GRAMD4: variants seen among roughly 807,000 people sequenced by gnomAD.
The protein encoded by GRAMD4 is GRAM domain-containing protein 4.
In GRAMD4, 25 loss-of-function variants were observed where a neutral mutation model predicts 83.9. That is an observed-to-expected ratio of 0.30 (90% confidence interval 0.22 to 0.42). The LOEUF (loss-of-function observed/expected upper bound fraction) is 0.42. Ranked by LOEUF, GRAMD4 falls within the 10% of genes least tolerant of loss-of-function variation. GRAMD4 has a pLI of 1.00. For missense variants in GRAMD4, 593 were observed against 788.7 expected, an observed-to-expected ratio of 0.75 and a Z score of 2.97; for synonymous variants, 336 against 320.9, an observed-to-expected ratio of 1.05 and a Z score of -0.50.
downstream of GRAMD4, among the ~76,000 whole-genome samples, chr22:46,682,636 T>A (rs550259027): frequency 1.3e-5 from 2 of 152,378 alleles, no homozygotes; most frequent in Admixed American, 6.5e-5. Flanking sequence ...TTACATGGAC[T>A]TCTTTGCCTT....
Position 46,668,698 on chromosome 22 carries a change from G to A in GRAMD4, c.940G>A (p.Gly314Arg), listed in dbSNP as rs377286272. 4.3e-6 allele frequency: 7 copies of A among 1,612,454 alleles called. No homozygotes were observed. The highest frequency in any genetic ancestry group is 4.0e-5 in the African/African-American group (3 of 74,920). ...TTTCTCCTTCACACAGAACCTTTTC[G>A]GGAAGATGGCTGACATCCTGGAGAA... is the stretch of plus-strand genomic sequence containing the variant. Reference protein sequence around the residue: ...DVAQKAQNLFGKMADILEKIK... With the variant: ...DVAQKAQNLFRKMADILEKIK... Residue 314 changes from glycine to arginine, a missense_variant, in exon 12 of 19, where the codon GGG becomes AGG. Coordinates refer to ENST00000406902, the MANE Select transcript of GRAMD4 (RefSeq NM_015124.5).
intron 8 of GRAMD4, among the ~76,000 whole-genome samples, chr22:46,665,209 A>T (rs1161097763): frequency 6.6e-6 from 1 of 152,212 alleles, no homozygotes. Context: ...TGCTGGGCAC[A>T]GATGGTGCCT....
chr22:46,622,913 A>T lies in GRAMD4; in HGVS notation c.-50+2348A>T, dbSNP rs558310656. The stretch of plus-strand genomic sequence containing the variant: ...GGCGACAGAGCAAGACTCCATCTCT[A>T]AAAAAAAAAAAAAAAAAACTGATGA... On this transcript the variant is annotated intron_variant, in intron 1 of 18. Coordinates refer to ENST00000406902, the MANE Select transcript of GRAMD4 (RefSeq NM_015124.5). This position sits in a 1 kb window ranked among gnomAD's most constrained non-coding sequence, Gnocchi z 4.0. Among the ~76,000 whole-genome samples, 1,482 of 89,362 alleles carry T rather than the reference A, an allele frequency of 0.017. 11 individuals carry two copies. The highest frequency in any genetic ancestry group is 0.023 in the Non-Finnish European group (830 of 36,454). 58.6% of individuals were successfully genotyped at this position (89,362 alleles called of 152,430 possible). A position where few individuals can be genotyped will look rare whatever the true frequency, so the allele number is the denominator to read the frequency against.
intron 1 of GRAMD4, among the ~76,000 whole-genome samples, chr22:46,593,078 T>C (rs1253171017): frequency 1.3e-5 from 2 of 152,218 alleles, no homozygotes; most frequent in Admixed American, 6.5e-5. Flanking sequence ...ATCCACACCG[T>C]TCTCAAATAC....
At chr22:46,610,989 G>A (rs12170707) in intron 1 of GRAMD4, among the ~76,000 whole-genome samples, 6,054 of 152,068 alleles carry the variant, frequency 0.04, 294 homozygotes, top group African/African-American at 0.12. Context: ...CAGAGGCTGG[G>A]GGATCAAGTG....
chr22:46,673,695 A>G lies in GRAMD4; in HGVS notation c.1265A>G (p.Tyr422Cys). ...RRLQTTSSRSYVPSAPAGLGK... is the reference protein window; with the variant it reads ...RRLQTTSSRSCVPSAPAGLGK... ...CTGCAGACGACCTCGTCACGGAGCT[A>G]CGTACCCAGCGCACCGGCCGGCCTG... Residue 422 changes from tyrosine to cysteine, a missense_variant, in exon 15 of 19, where the codon TAC becomes TGC. By Grantham distance (194) the Tyr-to-Cys change is radical (BLOSUM62 -2). This residue lies in a region of GRAMD4 where 171 missense variants were observed against 199.6 expected (regional missense o/e 0.86). Transcript: ENST00000406902. The G allele has an allele frequency of 6.2e-7, 1 of 1,612,774 alleles. No individual in the cohort carries two copies. The highest frequency in any genetic ancestry group is 1.3e-5 in the African/African-American group (1 of 75,058).
chr22:46,594,912 T>C (rs1050070785), intron 1 of GRAMD4, among the ~76,000 whole-genome samples: 6 of 152,114 alleles, frequency 3.9e-5, no homozygotes, highest in African/African-American at 1.2e-4. Context: ...TGTGGTTTGC[T>C]GTGCCTGTGT....
chr22:46,646,722 G>A (rs1284441846), intron 3 of GRAMD4, among the ~76,000 whole-genome samples: 1 of 152,334 alleles, frequency 6.6e-6, no homozygotes, highest in Non-Finnish European at 1.5e-5. Flanking sequence ...TGCTCTTACA[G>A]TTTCTCTGGT....
chr22:46,676,453 CT>C, intron 17 of GRAMD4, 146 bp from the exon 18 acceptor site: 2 of 665,788 alleles, frequency 3.0e-6, no homozygotes, highest in Non-Finnish European at 5.3e-6. Context: ...TCCACAGGCC[CT>C]TACCTTCTGT....
chr22:46,581,906 C>G (rs984256945), intron 1 of GRAMD4, among the ~76,000 whole-genome samples: 13 of 152,206 alleles, frequency 8.5e-5, no homozygotes, highest in African/African-American at 3.1e-4. Context: ...AAACGAAGGC[C>G]TTGGCCTAGG....
chr22:46,607,284 T>C (rs2081375141), intron 1 of GRAMD4, among the ~76,000 whole-genome samples: 1 of 152,240 alleles, frequency 6.6e-6, no homozygotes, highest in South Asian at 2.1e-4. Context: ...ACATGGCACG[T>C]GCATACCTAT....
chr22:46,627,035 A>T, intron 2 of GRAMD4, 74 bp downstream of exon 2: 1 of 1,054,222 alleles, frequency 9.5e-7, no homozygotes, highest in Admixed American at 1.8e-5. Context: ...CCAAGCGTGG[A>T]CTCAGGCAGA....
chr22:46,587,462 C>T (rs1389135885), intron 1 of GRAMD4, among the ~76,000 whole-genome samples: 2 of 151,862 alleles, frequency 1.3e-5, no homozygotes, highest in South Asian at 2.1e-4. Flanking sequence ...GTTCCGGCTT[C>T]AGTGCCCAGG....
intron 1 of GRAMD4, among the ~76,000 whole-genome samples, chr22:46,580,835 C>T (rs961388204): frequency 5.9e-5 from 9 of 151,920 alleles, no homozygotes; most frequent in African/African-American, 2.2e-4. Flanking sequence ...GGCGTGTTGG[C>T]GCATGTCTGT....
intron 1 of GRAMD4, 108 bp from the exon 2 acceptor site, chr22:46,626,643 G>A: frequency 1.5e-6 from 1 of 655,334 alleles, no homozygotes; most frequent in South Asian, 1.9e-5. Context: ...GGGTCTCTGG[G>A]TCGGGGTTTT....
At chr22:46,663,909 G>T in intron 7 of GRAMD4, 46 bp downstream of exon 7, 1 of 1,607,532 alleles carries the variant, frequency 6.2e-7, no homozygotes, top group African/African-American at 1.3e-5. Flanking sequence ...CTCAGTGTGG[G>T]TGGGGCCCAT....
chr22:46,667,198 C>G (rs920697305), intron 10 of GRAMD4, among the ~76,000 whole-genome samples: 1 of 152,190 alleles, frequency 6.6e-6, no homozygotes, highest in African/African-American at 2.4e-5. Flanking sequence ...CCCACAACCT[C>G]CCCAGGTAGG....
intron 3 of GRAMD4, among the ~76,000 whole-genome samples, chr22:46,642,475 C>G (rs1173070942): frequency 6.6e-6 from 1 of 152,216 alleles, no homozygotes; most frequent in Admixed American, 6.5e-5. Flanking sequence ...TTGCTGAAAT[C>G]TTGGTTCTCA....
chr22:46,586,396 T>C (rs9616064), intron 1 of GRAMD4, among the ~76,000 whole-genome samples: 110,475 of 151,654 alleles, frequency 0.73, 40,598 homozygotes, highest in East Asian at 0.92. Flanking sequence ...TGCCGGGTGA[T>C]GCTGGCTCGG....
Sources: allele counts gnomAD v4.1 joint callset (sites outside exome capture counted in the v4.1 genomes callset), GRCh38; gene constraint gnomAD v4.1.1; regional missense constraint gnomAD v4.1.1; non-coding constraint Gnocchi (gnomAD v3.1); transcripts MANE v1.5; gene names NCBI Gene and HGNC (gene_info 2026-07-23, HGNC 2026-07-21).